Variants in UPF1 observed in about 807,000 individuals in gnomAD.
UPF1 encodes the protein regulator of nonsense transcripts 1.
In UPF1, 9 loss-of-function variants were observed where a neutral mutation model predicts 129.2. The observed-to-expected ratio is 0.07, with a 90% CI of 0.04 to 0.12. The LOEUF is 0.12. Ranked by LOEUF, UPF1 falls within the 10% of genes least tolerant of loss-of-function variation. The pLI is 1.00. For synonymous variants in UPF1, 649 were observed against 644.9 expected, an observed-to-expected ratio of 1.01 and a Z score of -0.10; for missense variants, 788 against 1,525.3, an observed-to-expected ratio of 0.52 and a Z score of 8.05.
At position 18,860,265 on chromosome 19, in the gene UPF1, C is replaced by T. The variant is rs977031735; in HGVS notation, c.2183-56C>T. On this transcript the variant is annotated intron_variant, in intron 15 of 23. Transcript: ENST00000262803. ...GCAACTACATTGCCCTGTGTCTGAA[C>T]TCATTTGAGGCGGGCTAGGGCTTTT... 5 of 1,571,984 alleles carry T rather than the reference C, an allele frequency of 3.2e-6. No individual in the cohort carries two copies. In the African/African-American group the frequency reaches 6.7e-5, roughly 21 times the overall value.
Position 18,832,025 on chromosome 19 carries a change from G to T in UPF1, c.-185G>T. ...GAGCTGAGGCGCGGAGGGGCTCGGC[G>T]GCAGCGGCGGCGGCTCGGCACTGTT... On this transcript the variant is annotated 5_prime_UTR_variant, in exon 1 of 24. Coordinates refer to ENST00000262803, the MANE Select transcript of UPF1 (RefSeq NM_002911.4). The surrounding 1 kb of genome is among the most constrained non-coding windows in gnomAD (Gnocchi z 5.6). The T allele has an allele frequency of 2.5e-6, 1 of 403,732 alleles. No homozygotes were observed. The allele number at this position is 403,732 out of a possible 1,614,324, so 25.0% of individuals were successfully genotyped here. A position where few individuals can be genotyped will look rare whatever the true frequency, so the allele number is the denominator to read the frequency against.
intron 1 of UPF1, among the ~76,000 whole-genome samples, chr19:18,837,609 C>T (rs1435782453): frequency 2.0e-5 from 3 of 152,218 alleles, no homozygotes; most frequent in Non-Finnish European, 4.4e-5. Context: ...CTTTTCTTAG[C>T]TCACCTGAAA....
chr19:18,852,372 G>T, intron 6 of UPF1, 76 bp downstream of exon 6: 1 of 1,573,372 alleles, frequency 6.4e-7, no homozygotes, highest in South Asian at 1.2e-5. Context: ...CCAGAGGGAG[G>T]TTTTCTCTCC....
rs374827956 is a variant in UPF1 at position 18,865,533 on chromosome 19, C to T, written c.3020-28C>T. 29 of 1,613,494 alleles carry T rather than the reference C, an allele frequency of 1.8e-5. No homozygotes were observed. The Admixed American group carries it at 2.2e-4, about 12-fold the overall frequency. ...TTGTCTGCGAGGCCCTGGCCTCCTT[C>T]GGATCACCCTGGACTGCTGTCTTTC... On this transcript the variant is annotated intron_variant, in intron 21 of 23. Transcript: ENST00000262803. The surrounding 1 kb of genome is among the most constrained non-coding windows in gnomAD (Gnocchi z 6.1).
At chr19:18,837,742 C>G (rs771203409) in intron 1 of UPF1, among the ~76,000 whole-genome samples, 8 of 152,200 alleles carry the variant, frequency 5.3e-5, no homozygotes, top group Non-Finnish European at 8.8e-5. Context: ...TTCCTTCATC[C>G]TCAGGTCAGG....
At position 18,867,087 on chromosome 19, in the gene UPF1, C is replaced by G. The variant is rs1001492598; in HGVS notation, c.*570C>G. 2.6e-5 allele frequency: 4 copies of G among 152,570 alleles called. No homozygotes were observed. Among genetic ancestry groups the G allele is most frequent in the Non-Finnish European group, 4.4e-5 (3 of 68,028 alleles). 9.5% of individuals were successfully genotyped at this position (152,570 alleles called of 1,614,324 possible). A position where few individuals can be genotyped will look rare whatever the true frequency, so the allele number is the denominator to read the frequency against. On this transcript the variant is annotated 3_prime_UTR_variant, in exon 24 of 24. Coordinates refer to ENST00000262803, the MANE Select transcript of UPF1 (RefSeq NM_002911.4). The stretch of plus-strand genomic sequence containing the variant: ...TTTTCTCTTTGTTTTTTTCAAGATT[C>G]TTTTAAAGGAGTACTGAAGAATACT...
At chr19:18,860,709 G>A (rs1291573074) in intron 16 of UPF1, 117 bp from the exon 17 acceptor site, 13 of 1,433,028 alleles carry the variant, frequency 9.1e-6, no homozygotes, top group South Asian at 2.7e-5. Context: ...CTGTGCAAAC[G>A]CCAGTGATGG....
chr19:18,864,782 C>CAAGCTGGA (rs1372148047), intron 20 of UPF1, among the ~76,000 whole-genome samples: 1 of 139,954 alleles, frequency 7.1e-6, no homozygotes, highest in Non-Finnish European at 1.5e-5. Flanking sequence ...CTCTGTTGCC[C>CAAGCTGGA]AAGCTGGAGT....
In UPF1 at chr19:18,865,745, C is replaced by G. The variant is rs1172378023; in HGVS notation, c.3204C>G (p.Ser1068Arg). 6.2e-7 allele frequency: 1 copy of G among 1,613,128 alleles called. No homozygotes were observed. Among genetic ancestry groups the G allele is most frequent in the Non-Finnish European group, 8.5e-7 (1 of 1,179,976 alleles). ...CCATGAGCCAGCCTTCCCAGATGAG[C>G]CAGCCCGGCCTCTCCCAGCCGGAGC... is the stretch of plus-strand genomic sequence containing the variant. Reference protein sequence around the residue: ...YISMSQPSQMSQPGLSQPELS... With the variant: ...YISMSQPSQMRQPGLSQPELS... The change falls in exon 22 of 24, where the codon AGC becomes AGG. Residue 1068 changes from serine (S) to arginine (R), a missense_variant. This residue lies in a region of UPF1 where 218 missense variants were observed against 318.1 expected (regional missense o/e 0.69). Transcript: ENST00000262803. This position sits in a 1 kb window ranked among gnomAD's most constrained non-coding sequence, Gnocchi z 6.1.
At chr19:18,833,105 C>G (rs531435233) in intron 1 of UPF1, 1 of 152,360 alleles carries the variant, frequency 6.6e-6, no homozygotes, top group Non-Finnish European at 1.5e-5. Flanking sequence ...GCCGCCTGTC[C>G]CACCTCCCAT....
intron 1 of UPF1, among the ~76,000 whole-genome samples, chr19:18,845,293 G>A (rs996386887): frequency 6.6e-6 from 1 of 152,228 alleles, no homozygotes; most frequent in African/African-American, 2.4e-5. Context: ...TGTCATTTGA[G>A]GTGCTGGTAC....
chr19:18,839,585 G>A (rs1029126368), intron 1 of UPF1, among the ~76,000 whole-genome samples: 4 of 152,170 alleles, frequency 2.6e-5, no homozygotes, highest in African/African-American at 9.7e-5. Context: ...ACTGAGCCCT[G>A]CCCTGGGGAG....
chr19:18,844,965 G>T (rs892026450), intron 1 of UPF1, among the ~76,000 whole-genome samples: 1 of 152,284 alleles, frequency 6.6e-6, no homozygotes, highest in African/African-American at 2.4e-5. Flanking sequence ...GCATCTGTGC[G>T]TGCAGGTAGC....
chr19:18,856,535 G>A (rs989021387), intron 13 of UPF1, among the ~76,000 whole-genome samples: 6 of 152,164 alleles, frequency 3.9e-5, no homozygotes, highest in African/African-American at 1.4e-4. Flanking sequence ...TCCGGCAGTG[G>A]ATCTAGAACA....
chr19:18,850,633 G>T lies in UPF1; in HGVS notation c.630-55G>T, dbSNP rs2055648224. The T allele has an allele frequency of 6.7e-7, 1 of 1,494,254 alleles. No homozygotes were observed. Among genetic ancestry groups the T allele is most frequent in the Non-Finnish European group, 8.9e-7 (1 of 1,124,920 alleles). 92.6% of individuals were successfully genotyped at this position (1,494,254 alleles called of 1,614,324 possible). A position where few individuals can be genotyped will look rare whatever the true frequency, so the allele number is the denominator to read the frequency against. On this transcript the variant is annotated intron_variant, in intron 4 of 23. Transcript: ENST00000262803. This position sits in a 1 kb window ranked among gnomAD's most constrained non-coding sequence, Gnocchi z 7.1. ...GTCAGCATGGGAGGGGGCCCTCCCT[G>T]CTCCGGGGCTTCAGGGACGGGAGCT...
chr19:18,834,702 CTA>C (rs2055465176), intron 1 of UPF1, among the ~76,000 whole-genome samples: 1 of 152,190 alleles, frequency 6.6e-6, no homozygotes, highest in African/African-American at 2.4e-5. Context: ...GCAAGGAAGT[CTA>C]TGAATATCAT....
intron 20 of UPF1, among the ~76,000 whole-genome samples, chr19:18,864,737 T>TG (rs2055821551): frequency 7.3e-6 from 1 of 136,812 alleles, no homozygotes; most frequent in Non-Finnish European, 1.6e-5. Flanking sequence ...GCAGGTGTTT[T>TG]TTTTTTTTTT....
At position 18,862,021 on chromosome 19, in the gene UPF1, C is replaced by G. The variant is rs774643923; in HGVS notation, c.2469C>G (p.Ile823Met). The G allele has an allele frequency of 1.9e-6, 3 of 1,613,924 alleles. No homozygotes were observed. Among genetic ancestry groups the G allele is most frequent in the African/African-American group, 1.3e-5 (1 of 75,030 alleles). Reference sequence around the variant, plus strand: ...AAGCTCCCTTCCAGGAGGTGGAGATCGCCAGTGTGGACGCCTTTCAGGGAC... The same window carrying G: ...AAGCTCCCTTCCAGGAGGTGGAGATGGCCAGTGTGGACGCCTTTCAGGGAC... ...LHTKLYQEVE[I>M]ASVDAFQGRE... The change falls in exon 18 of 24, where the codon ATC becomes ATG. Residue 823 changes from isoleucine (I) to methionine (M), a missense_variant. Ile to Met is a conservative substitution (Grantham distance 10). This residue lies in a region of UPF1 where 140 missense variants were observed against 385.9 expected (regional missense o/e 0.36). Transcript: ENST00000262803.
Position 18,855,913 on chromosome 19 carries a change from A to C in UPF1, c.1545-12A>C. On this transcript the variant is annotated splice_polypyrimidine_tract_variant and intron_variant, in intron 11 of 23. Transcript: ENST00000262803. ...TCTGGGTAAGCACTGAGCTGCCCCA[A>C]TGGTGTTGCAGGCCGGTGCTGGTGT... 6.2e-7 allele frequency: 1 copy of C among 1,613,316 alleles called. No homozygotes were observed. Among genetic ancestry groups the C allele is most frequent in the Non-Finnish European group, 8.5e-7 (1 of 1,179,822 alleles).
Sources: allele counts gnomAD v4.1 joint callset (sites outside exome capture counted in the v4.1 genomes callset), GRCh38; gene constraint gnomAD v4.1.1; regional missense constraint gnomAD v4.1.1; non-coding constraint Gnocchi (gnomAD v3.1); transcripts MANE v1.5; gene names NCBI Gene and HGNC (gene_info 2026-07-23, HGNC 2026-07-21).